Variants in SMPX observed in about 807,000 individuals in gnomAD.
SMPX encodes small muscle protein X-linked.
Under a neutral mutation model 6.3 loss-of-function variants are expected in SMPX, and 2 were observed. That is an observed-to-expected ratio of 0.32 (90% confidence interval 0.13 to 0.99). SMPX has a LOEUF of 0.99. Ranked by LOEUF, SMPX falls within the 50% of genes least tolerant of loss-of-function variation. The pLI, the probability that SMPX is intolerant of heterozygous loss-of-function variation, is 0.49. For missense variants in SMPX, 60 were observed against 66.8 expected, an observed-to-expected ratio of 0.90 and a Z score of 0.36; for synonymous variants, 32 against 24.7, an observed-to-expected ratio of 1.30 and a Z score of -0.88.
intron 4 of SMPX, among the ~76,000 whole-genome samples, chrX:21,723,775 T>A (rs2147378143): frequency 9.0e-6 from 1 of 111,440 alleles, no homozygotes; most frequent in South Asian, 3.8e-4. Context: ...ATTTCAGAAT[T>A]TGATCACATA....
intron 4 of SMPX, among the ~76,000 whole-genome samples, chrX:21,710,942 C>T (rs2092778033): frequency 8.9e-6 from 1 of 112,170 alleles, no homozygotes; most frequent in African/African-American, 3.2e-5. Flanking sequence ...GCAGATGAAG[C>T]AGGAGCCATT....
chrX:21,740,008 A>C (rs867252801), intron 3 of SMPX, among the ~76,000 whole-genome samples: 2 of 112,311 alleles, frequency 1.8e-5, no homozygotes, highest in Middle Eastern at 4.6e-3. Context: ...ACTTCAATGC[A>C]TTGTGTTTTT....
At chrX:21,719,540 A>AAAAGAAAGAAAGAAAGAAAG (rs377515861) in intron 4 of SMPX, among the ~76,000 whole-genome samples, 7 of 108,842 alleles carry the variant, frequency 6.4e-5, no homozygotes, top group African/African-American at 2.4e-4. Flanking sequence ...GAAGAAGAAG[A>AAAAGAAAGAAAGAAAGAAAG]AAAGAAAGAA....
intron 2 of SMPX, among the ~76,000 whole-genome samples, chrX:21,747,001 C>T (rs2092822175): frequency 9.0e-6 from 1 of 111,721 alleles, no homozygotes; most frequent in East Asian, 2.8e-4. Flanking sequence ...TGTGTTTAAA[C>T]ACAAATGAAA....
At chrX:21,733,726 C>T in intron 4 of SMPX, 1 of 327,770 alleles carries the variant, frequency 3.1e-6, no homozygotes, top group Non-Finnish European at 5.9e-6. Context: ...TGTTCCTCTT[C>T]AATTCTTTGA....
intron 4 of SMPX, among the ~76,000 whole-genome samples, chrX:21,730,272 C>T (rs1024814407): frequency 2.7e-5 from 3 of 110,885 alleles, no homozygotes; most frequent in Non-Finnish European, 5.7e-5. Context: ...TGTCTTCTGG[C>T]AAAAGGAAAA....
At chrX:21,752,234 G>A (rs186933954) in intron 2 of SMPX, among the ~76,000 whole-genome samples, 5 of 111,310 alleles carry the variant, frequency 4.5e-5, no homozygotes, top group African/African-American at 1.6e-4. Context: ...TGAATTTTCA[G>A]TGTAGATTTG....
intron 4 of SMPX, among the ~76,000 whole-genome samples, chrX:21,713,514 C>T (rs1244129582): frequency 8.9e-6 from 1 of 111,839 alleles, no homozygotes; most frequent in East Asian, 2.8e-4. Context: ...TGGTGGAAGG[C>T]AAAGGAGGAG....
intron 2 of SMPX, among the ~76,000 whole-genome samples, chrX:21,746,161 T>C (rs2092821167): frequency 8.9e-6 from 1 of 112,001 alleles, no homozygotes; most frequent in African/African-American, 3.2e-5. Flanking sequence ...AACTCTTCCT[T>C]CCTTCAAATG....
At chrX:21,709,796 G>A (rs1458017262) in intron 4 of SMPX, among the ~76,000 whole-genome samples, 1 of 111,976 alleles carries the variant, frequency 8.9e-6, no homozygotes. Context: ...CAGTCTCTCT[G>A]GCTAAGTAAG....
intron 4 of SMPX, among the ~76,000 whole-genome samples, chrX:21,716,632 C>T (rs995547071): frequency 1.8e-5 from 2 of 112,423 alleles, no homozygotes; most frequent in Admixed American, 9.4e-5. Flanking sequence ...TAAATTAAAA[C>T]ATCCCTTCCT....
intron 4 of SMPX, among the ~76,000 whole-genome samples, chrX:21,721,788 CCAA>C (rs1298512751): frequency 8.9e-6 from 1 of 112,303 alleles, no homozygotes; most frequent in Non-Finnish European, 1.9e-5. Context: ...TGGTTCTCAC[CCAA>C]AGCCCAAGGC....
At chrX:21,729,454 C>T (rs1370378998) in intron 4 of SMPX, among the ~76,000 whole-genome samples, 1 of 111,751 alleles carries the variant, frequency 8.9e-6, no homozygotes, top group East Asian at 2.8e-4. Flanking sequence ...AGTAGCAGCC[C>T]ACCCCTAGTT....
intron 1 of SMPX, among the ~76,000 whole-genome samples, chrX:21,757,062 TA>T (rs1448712968): frequency 1.8e-5 from 2 of 111,868 alleles, no homozygotes; most frequent in Non-Finnish European, 3.8e-5. Context: ...TTTGACTTAC[TA>T]AAAATTTGTC....
At chrX:21,748,827 G>A (rs948810383) in intron 2 of SMPX, among the ~76,000 whole-genome samples, 43 of 112,652 alleles carry the variant, frequency 3.8e-4, no homozygotes, top group African/African-American at 1.4e-3. Context: ...AGGAAGGCAT[G>A]TGTGATCATT....
chrX:21,721,465 C>G (rs1047954439), intron 4 of SMPX, among the ~76,000 whole-genome samples: 2 of 112,357 alleles, frequency 1.8e-5, no homozygotes, highest in Non-Finnish European at 3.8e-5. Context: ...TTCATCTCAG[C>G]AACATTCAAC....
At chrX:21,707,763 T>C (rs1416364952) in intron 4 of SMPX, among the ~76,000 whole-genome samples, 1 of 112,214 alleles carries the variant, frequency 8.9e-6, no homozygotes, top group Non-Finnish European at 1.9e-5. Flanking sequence ...GTTAGCCTTC[T>C]GATCCCAGAA....
chrX:21,724,666 T>C (rs2092795122), intron 4 of SMPX, among the ~76,000 whole-genome samples: 1 of 112,038 alleles, frequency 8.9e-6, no homozygotes, highest in Admixed American at 9.5e-5. Context: ...CTTTTCTGAT[T>C]GAAAGGGATT....
At chrX:21,751,245 A>G (rs1426695240) in intron 2 of SMPX, among the ~76,000 whole-genome samples, 1 of 112,407 alleles carries the variant, frequency 8.9e-6, no homozygotes, top group Non-Finnish European at 1.9e-5. Context: ...TGCCATTAGC[A>G]AGTTGTGGAC....
Sources: gnomAD v4.1 joint callset for allele counts (sites outside exome capture counted in the v4.1 genomes callset) on GRCh38, gnomAD v4.1.1 for gene constraint, MANE v1.5 for transcripts, NCBI Gene and HGNC (gene_info 2026-07-23, HGNC 2026-07-21) for gene names.